The following ITPR2 variants were observed in gnomAD, a reference collection of about 807,000 sequenced individuals.
ITPR2 encodes the protein inositol 1,4,5-trisphosphate-gated calcium channel ITPR2.
A neutral mutation model predicts 317.1 loss-of-function variants in ITPR2; 207 were observed. The ratio of observed to expected loss-of-function variants is 0.65; its 90% CI spans 0.58 to 0.73. The LOEUF (loss-of-function observed/expected upper bound fraction) is 0.73. Ranked by LOEUF, ITPR2 falls within the 30% of genes least tolerant of loss-of-function variation. ITPR2 has a pLI of 0.00. For missense variants in ITPR2, 2,613 were observed against 3,284.0 expected (o/e 0.80, Z 4.99); for synonymous variants, 1,156 against 1,149.1 (o/e 1.01, Z -0.12).
intron 34 of ITPR2, among the ~76,000 whole-genome samples, chr12:26,569,036 T>C (rs1442968715): frequency 1.3e-5 from 2 of 152,198 alleles, no homozygotes; most frequent in African/African-American, 2.4e-5. Context: ...CCACACCTTA[T>C]ACCTCACAAC....
chr12:26,636,202 G>A (rs1213861331), intron 21 of ITPR2, among the ~76,000 whole-genome samples: 1 of 152,130 alleles, frequency 6.6e-6, no homozygotes, highest in Admixed American at 6.5e-5. Context: ...CTGATTTGTG[G>A]TGCAATGTCA....
intron 26 of ITPR2, among the ~76,000 whole-genome samples, chr12:26,617,459 T>A (rs1946395714): frequency 6.6e-6 from 1 of 152,078 alleles, no homozygotes. Flanking sequence ...GTCCAGACAG[T>A]TTTGCAGACA....
chr12:26,395,206 TATTAAGG>T (rs1210465496), intron 54 of ITPR2, among the ~76,000 whole-genome samples: 1 of 151,976 alleles, frequency 6.6e-6, no homozygotes, highest in African/African-American at 2.4e-5. Context: ...CAAAACCTTC[TATTAAGG>T]GGTTTTGGGA....
intron 54 of ITPR2, among the ~76,000 whole-genome samples, chr12:26,389,033 T>C (rs1430311734): frequency 6.6e-6 from 1 of 152,168 alleles, no homozygotes; most frequent in African/African-American, 2.4e-5. Context: ...CTTCAAAACA[T>C]ATCCAGAATC....
chr12:26,485,699 C>A (rs867523374), intron 41 of ITPR2, among the ~76,000 whole-genome samples: 5 of 152,188 alleles, frequency 3.3e-5, no homozygotes, highest in Admixed American at 1.3e-4. Flanking sequence ...ATACTCAGTA[C>A]TCTCACTCAA....
intron 37 of ITPR2, among the ~76,000 whole-genome samples, chr12:26,534,921 A>C (rs1028829468): frequency 6.6e-6 from 1 of 152,190 alleles, no homozygotes; most frequent in Non-Finnish European, 1.5e-5. Context: ...TTTCATTCTT[A>C]AGGTTAAAAA....
chr12:26,379,345 G>GT (rs1939437044), intron 55 of ITPR2, among the ~76,000 whole-genome samples: 1 of 152,172 alleles, frequency 6.6e-6, no homozygotes, highest in Admixed American at 6.5e-5. Flanking sequence ...ACCCATGTCA[G>GT]TTATATTAGT....
chr12:26,668,604 A>G (rs1947678176), intron 13 of ITPR2, among the ~76,000 whole-genome samples: 1 of 152,240 alleles, frequency 6.6e-6, no homozygotes, highest in South Asian at 2.1e-4. Context: ...AAAGCACATA[A>G]GGAAAGCTGA....
At chr12:26,726,489 T>C (rs1592074061) in intron 2 of ITPR2, among the ~76,000 whole-genome samples, 1 of 152,338 alleles carries the variant, frequency 6.6e-6, no homozygotes, top group East Asian at 1.9e-4. Flanking sequence ...GCTTGTGGAA[T>C]AGATTACAAT....
Position 26,339,321 on chromosome 12 carries a change from C to T in ITPR2, c.*76G>A. On this transcript the variant is annotated 3_prime_UTR_variant, in exon 57 of 57. Coordinates refer to ENST00000381340, the MANE Select transcript of ITPR2 (RefSeq NM_002223.4). Reference sequence around the variant, plus strand: ...TTTCAACAATAGGCACTGTTCACTCCCCTCCATCTCAGTTCTTTATTCAGT... The same window carrying T: ...TTTCAACAATAGGCACTGTTCACTCTCCTCCATCTCAGTTCTTTATTCAGT... The T allele has an allele frequency of 7.9e-7, 1 of 1,267,732 alleles. No homozygotes were observed. The highest frequency in any genetic ancestry group is 1.1e-6 in the Non-Finnish European group (1 of 872,990). The allele number at this position is 1,267,732 out of a possible 1,614,324, so 78.5% of individuals were successfully genotyped here.
intron 41 of ITPR2, among the ~76,000 whole-genome samples, 198 bp from the exon 42 acceptor site, chr12:26,484,096 C>T (rs1387995360): frequency 1.3e-5 from 2 of 150,954 alleles, no homozygotes; most frequent in African/African-American, 2.4e-5. Flanking sequence ...TATACACACA[C>T]ACATATATAT....
intron 34 of ITPR2, among the ~76,000 whole-genome samples, chr12:26,575,309 T>C (rs548497115): frequency 6.6e-6 from 1 of 151,674 alleles, no homozygotes; most frequent in South Asian, 2.1e-4. Flanking sequence ...AAGATTACTC[T>C]GGTATCAGGC....
At chr12:26,611,151 G>A (rs991660126) in intron 26 of ITPR2, among the ~76,000 whole-genome samples, 1 of 152,164 alleles carries the variant, frequency 6.6e-6, no homozygotes, top group African/African-American at 2.4e-5. Context: ...ATAGAAATTG[G>A]ACTGTCTCTG....
intron 48 of ITPR2, among the ~76,000 whole-genome samples, chr12:26,433,024 A>G (rs1405691849): frequency 2.6e-5 from 4 of 152,226 alleles, no homozygotes; most frequent in Non-Finnish European, 5.9e-5. Context: ...CTGATGGCCA[A>G]GTATGTGTAA....
chr12:26,682,200 AT>A (rs1339740788), intron 12 of ITPR2, among the ~76,000 whole-genome samples, 166 bp from the exon 13 acceptor site: 1 of 152,116 alleles, frequency 6.6e-6, no homozygotes, highest in African/African-American at 2.4e-5. Context: ...GGACACAGAG[AT>A]TTCCTGTGCC....
chr12:26,381,594 G>T (rs1939511437), intron 55 of ITPR2, among the ~76,000 whole-genome samples: 1 of 152,152 alleles, frequency 6.6e-6, no homozygotes, highest in African/African-American at 2.4e-5. Context: ...TTATATTTTA[G>T]TTACGACAGA....
intron 1 of ITPR2, among the ~76,000 whole-genome samples, chr12:26,813,607 C>T (rs1950794687): frequency 6.6e-6 from 1 of 152,138 alleles, no homozygotes; most frequent in African/African-American, 2.4e-5. Context: ...TCCTCTTTGA[C>T]CCCTCACCAT....
chr12:26,345,004 C>T (rs1158301651), intron 55 of ITPR2, among the ~76,000 whole-genome samples: 1 of 152,052 alleles, frequency 6.6e-6, no homozygotes. Context: ...TCTCTCCTAC[C>T]TTTCTGCTTC....
At chr12:26,463,817 A>G (rs765122482) in intron 45 of ITPR2, among the ~76,000 whole-genome samples, 3 of 152,204 alleles carry the variant, frequency 2.0e-5, no homozygotes, top group African/African-American at 4.8e-5. Context: ...TCAGAATTCA[A>G]TAGGTTGTGT....
Sources: allele counts gnomAD v4.1 joint callset (sites outside exome capture counted in the v4.1 genomes callset), GRCh38; gene constraint gnomAD v4.1.1; transcripts MANE v1.5; gene names NCBI Gene and HGNC (gene_info 2026-07-23, HGNC 2026-07-21).